POC5: variants seen among roughly 807,000 people sequenced by gnomAD.
POC5 encodes the protein POC5 centriolar protein.
In POC5, 48 loss-of-function variants were observed where a neutral mutation model predicts 62.9. The ratio of observed to expected loss-of-function variants is 0.76; its 90% CI spans 0.61 to 0.97. The LOEUF is 0.97. Among genes scored for constraint, POC5 ranks in the 50% least tolerant of loss-of-function variants. The probability of loss-of-function intolerance (pLI) is 0.00; values close to 1 mark genes in which losing one functional copy is unlikely to be tolerated. For synonymous variants in POC5, 236 were observed against 228.2 expected, an observed-to-expected ratio of 1.03 and a Z score of -0.31; for missense variants, 696 against 679.5, an observed-to-expected ratio of 1.02 and a Z score of -0.27.
In POC5 at chr5:75,678,930, G is replaced by C. The variant is rs576309493; in HGVS notation, c.1408-980C>G. Among the ~76,000 whole-genome samples, 3 of 152,162 alleles carry C rather than the reference G, an allele frequency of 2.0e-5. No individual in the cohort carries two copies. In the East Asian group the frequency reaches 5.8e-4, roughly 29 times the overall value. ...TACACAGCCGCCTGTTTAAGTCTGA[G>C]GTGAAATCTACTATTCAAGTTGTGG... On this transcript the variant is annotated intron_variant, in intron 10 of 11. Coordinates refer to ENST00000428202, the MANE Select transcript of POC5 (RefSeq NM_001099271.2).
intron 2 of POC5, among the ~76,000 whole-genome samples, chr5:75,711,624 T>A (rs184515583): frequency 5.6e-4 from 85 of 152,332 alleles, no homozygotes; most frequent in Admixed American, 4.0e-3. Context: ...CTTCCAGTAG[T>A]GAAACCCAAA....
chr5:75,686,095 CCTAA>C (rs1274543704), intron 9 of POC5, among the ~76,000 whole-genome samples: 8 of 152,182 alleles, frequency 5.3e-5, no homozygotes, highest in Admixed American at 1.3e-4. Context: ...TATTTGTGCA[CCTAA>C]CTGATTTGTA....
chr5:75,715,241 C>A (rs952578105), intron 1 of POC5, among the ~76,000 whole-genome samples: 1 of 140,782 alleles, frequency 7.1e-6, no homozygotes, highest in African/African-American at 2.7e-5. Context: ...ACCCGGGAGG[C>A]GGAGCTCATA....
At chr5:75,675,230 C>T (rs775716300) in intron 11 of POC5, among the ~76,000 whole-genome samples, 3 of 151,230 alleles carry the variant, frequency 2.0e-5, no homozygotes, top group Non-Finnish European at 2.9e-5. Context: ...TGTAAGTACA[C>T]ACTATGTATA....
chr5:75,697,295 G>A (rs998420408), intron 5 of POC5, among the ~76,000 whole-genome samples: 10 of 152,148 alleles, frequency 6.6e-5, no homozygotes, highest in South Asian at 2.1e-4. Context: ...AATGTTAAGG[G>A]CAGCCAGAGA....
intron 5 of POC5, among the ~76,000 whole-genome samples, chr5:75,698,291 A>G (rs1327586549): frequency 6.6e-6 from 1 of 150,568 alleles, no homozygotes. Context: ...CACCACACCT[A>G]TTCCAAAATT....
intron 4 of POC5, chr5:75,705,496 C>T (rs72633982): frequency 0.18 from 69,824 of 382,634 alleles, 6,802 homozygotes; most frequent in South Asian, 0.22. Flanking sequence ...GGATACTACA[C>T]ACTATAATGC....
chr5:75,692,609 C>G (rs1194898091), intron 6 of POC5, 109 bp from the exon 7 acceptor site: 1 of 600,830 alleles, frequency 1.7e-6, no homozygotes, highest in Non-Finnish European at 2.7e-6. Context: ...TGGATCACTA[C>G]TATATTCATT....
At chr5:75,702,517 A>T in intron 5 of POC5, 88 bp downstream of exon 5, 1 of 1,268,038 alleles carries the variant, frequency 7.9e-7, no homozygotes, top group Non-Finnish European at 1.1e-6. Context: ...TAGAAAGTTT[A>T]ACTCAAAAAA....
chr5:75,696,286 G>C (rs1006862774), intron 5 of POC5, among the ~76,000 whole-genome samples: 7 of 152,176 alleles, frequency 4.6e-5, no homozygotes, highest in African/African-American at 1.7e-4. Context: ...AAAGACAGCA[G>C]TAACCTCTGC....
chr5:75,704,735 T>G (rs1777049515), intron 4 of POC5, among the ~76,000 whole-genome samples: 1 of 152,218 alleles, frequency 6.6e-6, no homozygotes, highest in Non-Finnish European at 1.5e-5. Context: ...TGCCTAAGAC[T>G]TCTACTTACA....
At chr5:75,713,148 G>C (rs1455763669) in intron 1 of POC5, among the ~76,000 whole-genome samples, 197 bp from the exon 2 acceptor site, 1 of 152,206 alleles carries the variant, frequency 6.6e-6, no homozygotes, top group Non-Finnish European at 1.5e-5. Flanking sequence ...CCCAATATTA[G>C]TGAGTTTATA....
chr5:75,686,608 T>C (rs1417670523), intron 9 of POC5, among the ~76,000 whole-genome samples: 1 of 152,210 alleles, frequency 6.6e-6, no homozygotes, highest in African/African-American at 2.4e-5. Flanking sequence ...CTTGTTTTGG[T>C]AGAGATTCTG....
At chr5:75,678,917 T>A (rs374027336) in intron 10 of POC5, among the ~76,000 whole-genome samples, 6 of 152,198 alleles carry the variant, frequency 3.9e-5, no homozygotes, top group African/African-American at 1.4e-4. Context: ...CACAGCCGCC[T>A]GTTTAAGTCT....
intron 3 of POC5, chr5:75,707,509 T>C (rs1777174805): frequency 2.5e-6 from 1 of 394,488 alleles, no homozygotes; most frequent in African/African-American, 2.0e-5. Flanking sequence ...AACTTTATTA[T>C]TCTTCATAAA....
At chr5:75,697,318 T>C (rs1776649631) in intron 5 of POC5, among the ~76,000 whole-genome samples, 1 of 152,152 alleles carries the variant, frequency 6.6e-6, no homozygotes, top group Non-Finnish European at 1.5e-5. Flanking sequence ...AAGGTCGGGT[T>C]ACCCTCAAAG....
intron 2 of POC5, among the ~76,000 whole-genome samples, chr5:75,708,178 C>T (rs975189465): frequency 1.3e-5 from 2 of 151,918 alleles, no homozygotes; most frequent in East Asian, 3.9e-4. Flanking sequence ...CTCATCTCTA[C>T]AATAAATTTT....
chr5:75,715,199 A>G (rs2112224959), intron 1 of POC5, among the ~76,000 whole-genome samples: 1 of 151,316 alleles, frequency 6.6e-6, no homozygotes, highest in African/African-American at 2.4e-5. Context: ...AGTCCCAGCT[A>G]CTTGGGAGGC....
chr5:75,697,725 T>C (rs945632449), intron 5 of POC5, among the ~76,000 whole-genome samples: 3 of 151,812 alleles, frequency 2.0e-5, no homozygotes, highest in African/African-American at 4.8e-5. Context: ...CAATATTAAC[T>C]TTAAATGTAA....
Sources: allele counts gnomAD v4.1 joint callset (sites outside exome capture counted in the v4.1 genomes callset), GRCh38; gene constraint gnomAD v4.1.1; transcripts MANE v1.5; gene names NCBI Gene and HGNC (gene_info 2026-07-23, HGNC 2026-07-21).